ZNF385D: variants seen among roughly 807,000 people sequenced by gnomAD.
The protein encoded by ZNF385D is zinc finger protein 659.
Under a neutral mutation model 35.8 loss-of-function variants are expected in ZNF385D, and 15 were observed. The observed-to-expected ratio is 0.42, with a 90% CI of 0.28 to 0.64. The LOEUF (loss-of-function observed/expected upper bound fraction) is 0.64, where lower values mean the gene tolerates loss of function less well. ZNF385D is among the 30% of genes least tolerant of loss of function. The probability of loss-of-function intolerance (pLI) is 0.23; values close to 1 mark genes in which losing one functional copy is unlikely to be tolerated. For missense variants in ZNF385D, 474 were observed against 494.6 expected (o/e 0.96, Z 0.39); for synonymous variants, 212 against 186.8 (o/e 1.13, Z -1.10).
chr3:21,613,735 A>C lies in ZNF385D; in HGVS notation c.166-49051T>G, dbSNP rs114131824. Among the ~76,000 whole-genome samples the C allele has an allele frequency of 1.9e-3, 285 of 152,346 alleles. 3 individuals carry two copies. Among genetic ancestry groups the C allele is most frequent in the African/African-American group, 6.2e-3 (258 of 41,578 alleles). Reference sequence around the variant, plus strand: ...AATATTGGGGTTGAAAGTTGGAGCTAAGCATGTGAATGAATCATAGAAACA... The same window carrying C: ...AATATTGGGGTTGAAAGTTGGAGCTCAGCATGTGAATGAATCATAGAAACA... On this transcript the variant is annotated intron_variant, in intron 2 of 7. Transcript: ENST00000281523.
intron 3 of ZNF385D, among the ~76,000 whole-genome samples, chr3:21,820,516 G>C (rs1056553778): frequency 6.6e-6 from 1 of 151,396 alleles, no homozygotes; most frequent in Admixed American, 6.6e-5. Context: ...AACTAAATAA[G>C]CTATGATTTA....
chr3:21,818,223 T>C (rs1575709403), intron 3 of ZNF385D, among the ~76,000 whole-genome samples: 1 of 152,176 alleles, frequency 6.6e-6, no homozygotes, highest in Admixed American at 6.5e-5. Context: ...GAGAAATACC[T>C]AATGTAAATG....
intron 7 of ZNF385D, among the ~76,000 whole-genome samples, chr3:21,422,971 T>C (rs982668728): frequency 1.3e-5 from 2 of 152,158 alleles, no homozygotes; most frequent in Non-Finnish European, 2.9e-5. Flanking sequence ...AACATAGTAT[T>C]GGAAGTCCTG....
intron 2 of ZNF385D, among the ~76,000 whole-genome samples, chr3:22,280,577 G>T (rs1056340141): frequency 2.0e-5 from 3 of 152,030 alleles, no homozygotes; most frequent in Admixed American, 6.6e-5. Flanking sequence ...TCAATTGGCT[G>T]TAAGTATTTG....
intron 1 of ZNF385D, among the ~76,000 whole-genome samples, chr3:21,736,975 C>T (rs182472313): frequency 2.7e-3 from 407 of 152,214 alleles, no homozygotes; most frequent in Admixed American, 5.6e-3. Flanking sequence ...AGTCTCGCTC[C>T]GTCGCCCAGG....
At position 21,414,757 on chromosome 3, in the gene ZNF385D, C is replaced by T. The variant is rs926730002; in HGVS notation, c.*6457G>A. On this transcript the variant is annotated 3_prime_UTR_variant, in exon 8 of 8. Transcript: ENST00000281523. The stretch of plus-strand genomic sequence containing the variant: ...ATCTTGTGCCCAGATCCCTTGGCCA[C>T]AAGGCTTTTTCGCCAATATCCAGTA... 4 of 152,190 alleles carry T rather than the reference C, an allele frequency of 2.6e-5. No homozygotes were observed. The highest frequency in any genetic ancestry group is 5.9e-5 in the Non-Finnish European group (4 of 67,978). The allele number at this position is 152,190 out of a possible 1,614,324, so 9.4% of individuals were successfully genotyped here. A position where few individuals can be genotyped will look rare whatever the true frequency, so the allele number is the denominator to read the frequency against.
At chr3:21,670,615 A>G (rs2066537999) in intron 1 of ZNF385D, among the ~76,000 whole-genome samples, 1 of 143,720 alleles carries the variant, frequency 7.0e-6, no homozygotes, top group African/African-American at 2.6e-5. Context: ...AAATAACGGC[A>G]TAAATGCTGA....
chr3:21,855,347 T>C (rs566294933), intron 3 of ZNF385D, among the ~76,000 whole-genome samples: 2 of 151,978 alleles, frequency 1.3e-5, no homozygotes, highest in African/African-American at 2.4e-5. Flanking sequence ...GAATTAATCA[T>C]TGTGTGGTGT....
chr3:22,255,985 C>A (rs1203721797), intron 2 of ZNF385D, among the ~76,000 whole-genome samples: 1 of 151,608 alleles, frequency 6.6e-6, no homozygotes, highest in Non-Finnish European at 1.5e-5. Flanking sequence ...TGGTTGTGCA[C>A]AATCTATTCA....
chr3:21,900,664 T>C (rs571746442), intron 3 of ZNF385D, among the ~76,000 whole-genome samples: 11 of 152,148 alleles, frequency 7.2e-5, no homozygotes, highest in Middle Eastern at 3.4e-3. Context: ...AGAAGTTAAA[T>C]TGAAAAAATA....
At chr3:21,727,350 G>A (rs2068809720) in intron 1 of ZNF385D, among the ~76,000 whole-genome samples, 1 of 152,132 alleles carries the variant, frequency 6.6e-6, no homozygotes, top group Non-Finnish European at 1.5e-5. Flanking sequence ...AAGACCTTCT[G>A]CACAGCAAAA....
intron 3 of ZNF385D, among the ~76,000 whole-genome samples, chr3:22,151,979 T>C (rs1465297690): frequency 6.6e-6 from 1 of 152,048 alleles, no homozygotes; most frequent in Non-Finnish European, 1.5e-5. Flanking sequence ...TCAGTAGTAA[T>C]TTTTTTCTGT....
At chr3:21,906,318 A>G (rs545736935) in intron 3 of ZNF385D, among the ~76,000 whole-genome samples, 6 of 152,320 alleles carry the variant, frequency 3.9e-5, no homozygotes, top group African/African-American at 1.4e-4. Context: ...ATGAACATAG[A>G]AAGACGCACA....
intron 2 of ZNF385D, among the ~76,000 whole-genome samples, chr3:22,252,242 T>A (rs1353795673): frequency 6.6e-6 from 1 of 152,060 alleles, no homozygotes; most frequent in Non-Finnish European, 1.5e-5. Context: ...CCAACTCTTA[T>A]GAAAGGAAAT....
In ZNF385D at chr3:21,992,271, G is replaced by A. The variant is rs558504040; in HGVS notation, c.325+176546C>T. Among the ~76,000 whole-genome samples, 4 of 152,170 alleles carry A rather than the reference G, an allele frequency of 2.6e-5. No individual in the cohort carries two copies. In the South Asian group the frequency reaches 8.3e-4, roughly 32 times the overall value. On this transcript the variant is annotated intron_variant, in intron 3 of 5. Transcript: ENST00000494108. ...CAGAAAAGCCCCTAGAAGGTATCTA[G>A]TAGCTGCAGGTATCTGAAAGCCTTC... is the stretch of plus-strand genomic sequence containing the variant.
chr3:22,006,713 GCTTT>G (rs932275065), intron 3 of ZNF385D, among the ~76,000 whole-genome samples: 2 of 151,910 alleles, frequency 1.3e-5, no homozygotes, highest in African/African-American at 2.4e-5. Flanking sequence ...TTGCTGAGAA[GCTTT>G]TTTTTGTGAA....
chr3:22,335,556 C>A (rs1391766888), intron 2 of ZNF385D, among the ~76,000 whole-genome samples: 1 of 152,008 alleles, frequency 6.6e-6, no homozygotes, highest in Non-Finnish European at 1.5e-5. Context: ...TATTGAATAC[C>A]CTCTTACAGA....
chr3:22,260,046 A>T (rs1700541813), intron 2 of ZNF385D, among the ~76,000 whole-genome samples: 1 of 152,034 alleles, frequency 6.6e-6, no homozygotes, highest in African/African-American at 2.4e-5. Flanking sequence ...GTATACTAAT[A>T]ATTGAAAACA....
intron 3 of ZNF385D, among the ~76,000 whole-genome samples, chr3:21,895,088 G>C (rs1024134391): frequency 1.3e-5 from 2 of 151,998 alleles, no homozygotes; most frequent in Admixed American, 1.3e-4. Context: ...CTGTGGTGTG[G>C]AAAAGAAGAC....
Sources: gnomAD v4.1 joint callset for allele counts (sites outside exome capture counted in the v4.1 genomes callset) on GRCh38, gnomAD v4.1.1 for gene constraint, MANE v1.5 for transcripts, NCBI Gene and HGNC (gene_info 2026-07-23, HGNC 2026-07-21) for gene names.